The following PLCL2 variants were observed in gnomAD, a reference collection of about 807,000 sequenced individuals.
PLCL2 encodes phospholipase C like 2.
Under a neutral mutation model 79.6 loss-of-function variants are expected in PLCL2, and 4 were observed. That is an observed-to-expected ratio of 0.05 (90% CI 0.02 to 0.11). The LOEUF (loss-of-function observed/expected upper bound fraction) is 0.11. PLCL2 is among the 10% of genes least tolerant of loss of function. PLCL2 has a pLI of 1.00. For synonymous variants in PLCL2, 484 were observed against 457.7 expected (o/e 1.06, Z -0.73); for missense variants, 895 against 1,291.0 (o/e 0.69, Z 4.70).
intron 1 of PLCL2, among the ~76,000 whole-genome samples, chr3:16,997,532 C>CTTTTTTT (rs747893839): frequency 3.8e-5 from 5 of 131,688 alleles, no homozygotes; most frequent in Non-Finnish European, 4.8e-5. Flanking sequence ...AATTTCTTTT[C>CTTTTTTT]TTTTTTTTTT....
intron 5 of PLCL2, among the ~76,000 whole-genome samples, chr3:17,085,339 G>C (rs917983487): frequency 1.3e-5 from 2 of 152,022 alleles, no homozygotes. Flanking sequence ...GTTTCGCCAG[G>C]TTGCCCAGGC....
At chr3:16,956,025 TCTC>T (rs1308634566) in intron 1 of PLCL2, among the ~76,000 whole-genome samples, 2 of 152,172 alleles carry the variant, frequency 1.3e-5, no homozygotes, top group Non-Finnish European at 1.5e-5. Flanking sequence ...TTGATTTCCT[TCTC>T]CTGCCTAATT....
intron 1 of PLCL2, among the ~76,000 whole-genome samples, chr3:17,006,945 A>G (rs916060041): frequency 6.8e-6 from 1 of 146,080 alleles, no homozygotes; most frequent in African/African-American, 2.4e-5. Flanking sequence ...AAAGTGTAAC[A>G]GAATATTAAT....
In PLCL2 at chr3:16,970,970, T is replaced by C. The variant is rs536918173; in HGVS notation, c.328-38704T>C. Among the ~76,000 whole-genome samples the C allele has an allele frequency of 6.6e-5, 10 of 152,322 alleles. No individual in the cohort carries two copies. The South Asian group carries it at 1.0e-3, about 16-fold the overall frequency. On this transcript the variant is annotated intron_variant, in intron 1 of 5. Transcript: ENST00000615277. The stretch of plus-strand genomic sequence containing the variant: ...GTAGATTCTGGATATTAGCCTTTTA[T>C]CAGATAAGTAGGTTGCGAAAATTTT...
chr3:17,043,301 G>A (rs1185953387), intron 4 of PLCL2, among the ~76,000 whole-genome samples: 2 of 152,154 alleles, frequency 1.3e-5, no homozygotes, highest in African/African-American at 4.8e-5. Flanking sequence ...CGTGACTCTG[G>A]TACACAGTAG....
chr3:17,013,098 G>C (rs2064344853), intron 2 of PLCL2, among the ~76,000 whole-genome samples: 2 of 152,180 alleles, frequency 1.3e-5, no homozygotes, highest in Non-Finnish European at 2.9e-5. Context: ...TAAAGTAAAA[G>C]CATAACAGAC....
chr3:16,911,832 G>A (rs1696888366), intron 1 of PLCL2, among the ~76,000 whole-genome samples: 1 of 152,090 alleles, frequency 6.6e-6, no homozygotes, highest in Non-Finnish European at 1.5e-5. Flanking sequence ...AACTTTTTGG[G>A]TACCAACATG....
intron 5 of PLCL2, chr3:17,081,054 C>G (rs1165250151): frequency 2.5e-6 from 1 of 400,486 alleles, no homozygotes; most frequent in Non-Finnish European, 5.0e-6. Context: ...TACCCGTAAT[C>G]TCTCTAAACT....
chr3:17,009,700 G>T lies in PLCL2; in HGVS notation c.354G>T (p.Arg118=), dbSNP rs768605034. Residue 118 remains arginine (R), a synonymous_variant, in exon 2 of 6, where the codon CGG becomes CGT. Coordinates refer to ENST00000615277, the MANE Select transcript of PLCL2 (RefSeq NM_001144382.2). The surrounding 1 kb of genome is among the most constrained non-coding windows in gnomAD (Gnocchi z 4.0). Reference sequence around the variant, plus strand: ...ATGGTACAAAACAGAAGAGGGAACGGAAAAAGACAGTCTCATTCAGCAGCA... The same window carrying T: ...ATGGTACAAAACAGAAGAGGGAACGTAAAAAGACAGTCTCATTCAGCAGCA... The part of the protein sequence containing the change: ...IKDGTKQKRE[R]KKTVSFSSMP... The T allele has an allele frequency of 1.2e-6, 2 of 1,603,192 alleles. No individual in the cohort carries two copies. Among genetic ancestry groups the T allele is most frequent in the East Asian group, 2.2e-5 (1 of 44,502 alleles).
intron 5 of PLCL2, among the ~76,000 whole-genome samples, chr3:17,079,265 G>A (rs1426055003): frequency 6.6e-6 from 1 of 152,062 alleles, no homozygotes; most frequent in Non-Finnish European, 1.5e-5. Flanking sequence ...GTCCCTGCCT[G>A]GAACCCTCTC....
intron 1 of PLCL2, among the ~76,000 whole-genome samples, chr3:16,937,810 C>T (rs1697577462): frequency 1.3e-5 from 2 of 152,140 alleles, no homozygotes; most frequent in Admixed American, 6.5e-5. Context: ...TTTATGAACG[C>T]TGAGAGTATA....
Position 17,055,312 on chromosome 3 carries a change from G to GA in PLCL2, c.3094+12364dup, listed in dbSNP as rs780414339. ...ATAATTAGTGAAGTCAAGGGAAGAA[G>GA]AGAAGTAGCAAGGTCCTCAGTGGCC... On this transcript the variant is annotated intron_variant, in intron 4 of 5. Coordinates refer to ENST00000615277, the MANE Select transcript of PLCL2 (RefSeq NM_001144382.2). Among the ~76,000 whole-genome samples, 11 of 152,290 alleles carry GA rather than the reference G, an allele frequency of 7.2e-5. 1 individual carries two copies. In the East Asian group the frequency reaches 1.7e-3, roughly 24 times the overall value.
chr3:16,890,599 A>G (rs1170968816), intron 1 of PLCL2, among the ~76,000 whole-genome samples: 1 of 152,210 alleles, frequency 6.6e-6, no homozygotes, highest in Non-Finnish European at 1.5e-5. Flanking sequence ...TCTTAATACT[A>G]AGTTTTGGAT....
At position 17,038,913 on chromosome 3, in the gene PLCL2, GA is replaced by G. The variant is rs896467451; in HGVS notation, c.3019-3959del. On this transcript the variant is annotated intron_variant, in intron 3 of 5. Transcript: ENST00000615277. ...AAAGCAGAGGCTTCAAGACCAAACA[GA>G]ATACCAGTTTCATGACTTACTAATT... is the stretch of plus-strand genomic sequence containing the variant. Among the ~76,000 whole-genome samples, 6 of 152,208 alleles carry G rather than the reference GA, an allele frequency of 3.9e-5. 2 individuals carry two copies.
At position 17,016,009 on chromosome 3, in the gene PLCL2, GA is replaced by G. The variant is rs552317503; in HGVS notation, c.3018+1101del. The stretch of plus-strand genomic sequence containing the variant: ...GATGTTAGTAAATATCACATGGGGG[GA>G]AAGTTCCTTGACTAAATAATTTTGG... On this transcript the variant is annotated intron_variant, in intron 3 of 5. Coordinates refer to ENST00000615277, the MANE Select transcript of PLCL2 (RefSeq NM_001144382.2). Among the ~76,000 whole-genome samples, 346 of 152,258 alleles carry G rather than the reference GA, an allele frequency of 2.3e-3. 2 individuals are homozygous for G. Among genetic ancestry groups the G allele is most frequent in the African/African-American group, 7.8e-3 (323 of 41,542 alleles).
chr3:16,950,151 C>T (rs948286802), intron 1 of PLCL2, among the ~76,000 whole-genome samples: 1 of 152,160 alleles, frequency 6.6e-6, no homozygotes, highest in African/African-American at 2.4e-5. Context: ...TTTTTGGCAT[C>T]AACCTCTCAA....
intron 4 of PLCL2, among the ~76,000 whole-genome samples, chr3:17,066,337 C>A (rs982090567): frequency 2.0e-5 from 3 of 152,116 alleles, no homozygotes; most frequent in African/African-American, 7.2e-5. Context: ...GACCATGGCT[C>A]CTGGTTAGGT....
intron 1 of PLCL2, among the ~76,000 whole-genome samples, chr3:17,008,498 G>A: frequency 6.6e-6 from 1 of 152,038 alleles, no homozygotes; most frequent in East Asian, 1.9e-4. Context: ...GTCACATGGA[G>A]TGCTACCTTG....
intron 1 of PLCL2, among the ~76,000 whole-genome samples, chr3:16,995,784 G>C (rs1447641650): frequency 6.6e-6 from 1 of 152,140 alleles, no homozygotes; most frequent in African/African-American, 2.4e-5. Flanking sequence ...GCTCCGTGGA[G>C]GATTCAATAA....
Sources: gnomAD v4.1 joint callset for allele counts (sites outside exome capture counted in the v4.1 genomes callset) on GRCh38, gnomAD v4.1.1 for gene constraint, Gnocchi (gnomAD v3.1) non-coding constraint, MANE v1.5 for transcripts, NCBI Gene and HGNC (gene_info 2026-07-23, HGNC 2026-07-21) for gene names.